Variants in POLR3B observed in about 807,000 individuals in gnomAD.
The protein encoded by POLR3B is RNA polymerase III subunit B.
A neutral mutation model predicts 147.4 loss-of-function variants in POLR3B; 96 were observed. The observed-to-expected ratio is 0.65, with a 90% CI of 0.55 to 0.77. POLR3B has a LOEUF of 0.77. Ranked by LOEUF, POLR3B falls within the 30% of genes least tolerant of loss-of-function variation. POLR3B has a pLI of 0.00. For synonymous variants in POLR3B, 461 were observed against 485.9 expected (o/e 0.95, Z 0.67); for missense variants, 1,036 against 1,413.5 (o/e 0.73, Z 4.28).
At chr12:106,506,909 G>T (rs889733629) in intron 27 of POLR3B, among the ~76,000 whole-genome samples, 1 of 152,176 alleles carries the variant, frequency 6.6e-6, no homozygotes, top group Admixed American at 6.5e-5. Flanking sequence ...GTGGGAGGGA[G>T]CATGGGCGTC....
intron 25 of POLR3B, 27 bp from the exon 26 acceptor site, chr12:106,501,296 A>G (rs2038596678): frequency 6.8e-7 from 1 of 1,464,680 alleles, no homozygotes; most frequent in Admixed American, 1.7e-5. Flanking sequence ...TAGTTTCTTA[A>G]CCCACAACAA....
At chr12:106,388,587 A>G (rs1453170958) in intron 9 of POLR3B, among the ~76,000 whole-genome samples, 1 of 152,220 alleles carries the variant, frequency 6.6e-6, no homozygotes, top group Non-Finnish European at 1.5e-5. Flanking sequence ...AAGTGCTGGG[A>G]TTACAGGCGT....
At chr12:106,426,236 G>GTGTGTA in intron 12 of POLR3B, among the ~76,000 whole-genome samples, 1 of 149,836 alleles carries the variant, frequency 6.7e-6, no homozygotes, top group East Asian at 2.0e-4. Flanking sequence ...GTGTGTGTGT[G>GTGTGTA]TGTGTGTGTG....
At chr12:106,492,116 A>G (rs188353809) in intron 23 of POLR3B, among the ~76,000 whole-genome samples, 2 of 152,300 alleles carry the variant, frequency 1.3e-5, no homozygotes, top group Admixed American at 1.3e-4. Context: ...TTCATATGCT[A>G]CTAGAATGTG....
At chr12:106,471,914 A>C (rs1226145531) in intron 23 of POLR3B, among the ~76,000 whole-genome samples, 1 of 150,668 alleles carries the variant, frequency 6.6e-6, no homozygotes, top group Non-Finnish European at 1.5e-5. Context: ...CACATTGTGC[A>C]GGTTAGTTAC....
At chr12:106,447,418 G>A (rs945614857) in intron 19 of POLR3B, among the ~76,000 whole-genome samples, 2 of 152,068 alleles carry the variant, frequency 1.3e-5, no homozygotes, top group East Asian at 1.9e-4. Flanking sequence ...AATCTTAGGC[G>A]CTTTATTAAT....
At chr12:106,461,594 G>T in intron 22 of POLR3B, among the ~76,000 whole-genome samples, 1 of 152,138 alleles carries the variant, frequency 6.6e-6, no homozygotes, top group Non-Finnish European at 1.5e-5. Flanking sequence ...TGCAGACTGG[G>T]ACTTTGTTTC....
In POLR3B at chr12:106,393,036, G is replaced by A; in HGVS notation, c.729G>A (p.Met243Ile). 1 of 1,614,156 alleles carries A rather than the reference G, an allele frequency of 6.2e-7. No individual in the cohort carries two copies. The highest frequency in any genetic ancestry group is 8.5e-7 in the Non-Finnish European group (1 of 1,179,996). ...ATCTTTTCTTTCCTTCCTAGGCCAT[G>A]GGTGTTGAGAGTGACCAGGAAATTG... The part of the protein sequence containing the change: ...DIPIVIIFKA[M>I]GVESDQEIVQ... Residue 243 changes from methionine to isoleucine, a missense_variant, in exon 10 of 28, where the codon ATG becomes ATA. By Grantham distance (10) the Met-to-Ile change is conservative (BLOSUM62 1). This residue lies in a region of POLR3B where 217 missense variants were observed against 288.7 expected (regional missense o/e 0.75). Coordinates refer to ENST00000228347, the MANE Select transcript of POLR3B (RefSeq NM_018082.6).
intron 12 of POLR3B, among the ~76,000 whole-genome samples, chr12:106,415,525 TC>T (rs2037289839): frequency 6.6e-6 from 1 of 152,160 alleles, no homozygotes; most frequent in Non-Finnish European, 1.5e-5. Flanking sequence ...ACTAGCATGC[TC>T]CTAATTAGGG....
rs17038461 is a variant in POLR3B at position 106,482,084 on chromosome 12, T to C, written c.2714-13971T>C. On this transcript the variant is annotated intron_variant, in intron 23 of 27. Coordinates refer to ENST00000228347, the MANE Select transcript of POLR3B (RefSeq NM_018082.6). ...ATTAATCATAGTTTGTCAGCTCTTATCTGAAAATAATTTATCTTTCTTCTG... is the reference window on the plus strand; with the variant it reads ...ATTAATCATAGTTTGTCAGCTCTTACCTGAAAATAATTTATCTTTCTTCTG... Among the ~76,000 whole-genome samples the C allele has an allele frequency of 6.2e-3, 949 of 152,352 alleles. 9 individuals are homozygous for C. The highest frequency in any genetic ancestry group is 0.022 in the African/African-American group (917 of 41,574).
At position 106,432,347 on chromosome 12, in the gene POLR3B, T is replaced by C; in HGVS notation, c.1494T>C (p.Leu498=). 6.2e-7 allele frequency: 1 copy of C among 1,613,818 alleles called. No homozygotes were observed. The highest frequency in any genetic ancestry group is 1.1e-5 in the South Asian group (1 of 91,070). ...GTGGTTTGGTTAAAAACTTGGCCCT[T>C]ATGACACACATCACAACTGATATGG... ...EACGLVKNLA[L]MTHITTDMED... Residue 498 remains leucine, a synonymous_variant, in exon 15 of 28, where the codon CTT becomes CTC. Transcript: ENST00000228347.
chr12:106,423,445 T>C (rs570031066), intron 12 of POLR3B, among the ~76,000 whole-genome samples: 58 of 152,328 alleles, frequency 3.8e-4, no homozygotes, highest in East Asian at 1.2e-3. Flanking sequence ...CACAATGTGC[T>C]GTCTGCAAGC....
chr12:106,423,457 G>A (rs2037397030), intron 12 of POLR3B, among the ~76,000 whole-genome samples: 1 of 152,156 alleles, frequency 6.6e-6, no homozygotes, highest in Admixed American at 6.5e-5. Flanking sequence ...TCTGCAAGCT[G>A]GAGAACCAGA....
At chr12:106,485,254 T>C (rs1229932674) in intron 23 of POLR3B, among the ~76,000 whole-genome samples, 1 of 152,104 alleles carries the variant, frequency 6.6e-6, no homozygotes, top group African/African-American at 2.4e-5. Context: ...GTAACCCAAG[T>C]CTGTAATAAT....
At chr12:106,463,804 G>A (rs958621344) in intron 23 of POLR3B, among the ~76,000 whole-genome samples, 184 bp downstream of exon 23, 1 of 152,050 alleles carries the variant, frequency 6.6e-6, no homozygotes, top group Non-Finnish European at 1.5e-5. Context: ...AAAATACATG[G>A]TAGACTTGCT....
At chr12:106,374,518 GT>G (rs754932069) in intron 6 of POLR3B, among the ~76,000 whole-genome samples, 123 of 143,016 alleles carry the variant, frequency 8.6e-4, no homozygotes, top group Middle Eastern at 3.6e-3. Context: ...TTTGTGGCAT[GT>G]TTTTTTTTTT....
Position 106,358,935 on chromosome 12 carries a change from C to A in POLR3B, c.72+984C>A, listed in dbSNP as rs138901972. On this transcript the variant is annotated intron_variant, in intron 1 of 27. Transcript: ENST00000228347. ...CAGTAAGTCTATCGGATTATAAGAACCTCCTTGGCTAGGCGTGGTGGCCTG... is the reference window on the plus strand; with the variant it reads ...CAGTAAGTCTATCGGATTATAAGAAACTCCTTGGCTAGGCGTGGTGGCCTG... 4.5e-4 allele frequency among the ~76,000 whole-genome samples: 69 copies of A among 152,304 alleles called. No individual in the cohort carries two copies. In the East Asian group the frequency reaches 5.2e-3, roughly 11 times the overall value.
At chr12:106,423,798 G>A (rs115898245) in intron 12 of POLR3B, among the ~76,000 whole-genome samples, 4,204 of 151,528 alleles carry the variant, frequency 0.028, 100 homozygotes, top group African/African-American at 0.059. Context: ...AACCTTCTGG[G>A]CATTCCTTAA....
chr12:106,504,051 A>C lies in POLR3B; in HGVS notation c.3099-30A>C. ...CTCTTTGTTTGTTTAACAGAATAAT[A>C]ACACATTTGTCTAATAACTTGTTTC... On this transcript the variant is annotated intron_variant, in intron 26 of 27. Transcript: ENST00000228347. The surrounding 1 kb of genome is among the most constrained non-coding windows in gnomAD (Gnocchi z 4.6). 2 of 1,603,942 alleles carry C rather than the reference A, an allele frequency of 1.2e-6. No homozygotes were observed. The highest frequency in any genetic ancestry group is 1.7e-6 in the Non-Finnish European group (2 of 1,170,714).
Sources: allele counts gnomAD v4.1 joint callset (sites outside exome capture counted in the v4.1 genomes callset), GRCh38; gene constraint gnomAD v4.1.1; regional missense constraint gnomAD v4.1.1; non-coding constraint Gnocchi (gnomAD v3.1); transcripts MANE v1.5; gene names NCBI Gene and HGNC (gene_info 2026-07-23, HGNC 2026-07-21).